The following ZNF606 variants were observed in gnomAD, a reference collection of about 807,000 sequenced individuals.
The protein encoded by ZNF606 is zinc finger protein 606, also known as zinc finger protein 328.
ZNF606 carries 37 observed loss-of-function variants against 74.9 expected under a neutral mutation model. The ratio of observed to expected loss-of-function variants is 0.49; its 90% confidence interval spans 0.38 to 0.65. ZNF606 has a LOEUF of 0.65. Among genes scored for constraint, ZNF606 ranks in the 30% least tolerant of loss-of-function variants. The pLI is 0.00. For synonymous variants in ZNF606, 328 were observed against 312.4 expected (o/e 1.05, Z -0.53); for missense variants, 852 against 952.9 (o/e 0.89, Z 1.39).
chr19:57,987,875 G>A (rs1396270938), intron 6 of ZNF606, among the ~76,000 whole-genome samples: 4 of 152,122 alleles, frequency 2.6e-5, no homozygotes, highest in Non-Finnish European at 5.9e-5. Context: ...TTTGAAATAA[G>A]CATCTATAGC....
chr19:58,001,519 C>G, intron 1 of ZNF606, 149 bp from the exon 2 acceptor site: 1 of 639,380 alleles, frequency 1.6e-6, no homozygotes, highest in South Asian at 1.9e-5. Context: ...AAAAGTAACA[C>G]AATTCCTGGA....
At chr19:57,986,815 G>A (rs1230292828) in intron 6 of ZNF606, among the ~76,000 whole-genome samples, 3 of 152,146 alleles carry the variant, frequency 2.0e-5, no homozygotes, top group Admixed American at 6.6e-5. Flanking sequence ...CAGGCGTGGT[G>A]GCTCACACCT....
At position 57,978,889 on chromosome 19, in the gene ZNF606, G is replaced by C; in HGVS notation, c.1791C>G (p.Asn597Lys). The C allele has an allele frequency of 6.2e-7, 1 of 1,613,978 alleles. No homozygotes were observed. The highest frequency in any genetic ancestry group is 1.1e-5 in the South Asian group (1 of 91,062). Reference sequence around the variant, plus strand: ...TGAATGCTTTGCCACATTCCTGACAGTTATATGGTTTCTCTCCCGTGTGAG... The same window carrying C: ...TGAATGCTTTGCCACATTCCTGACACTTATATGGTTTCTCTCCCGTGTGAG... Reference protein sequence around the residue: ...QRTHTGEKPYNCQECGKAFRE... With the variant: ...QRTHTGEKPYKCQECGKAFRE... Residue 597 changes from asparagine to lysine, a missense_variant, in exon 7 of 7, where the codon AAC (asparagine) becomes AAG (lysine). Around this residue, in one of 3 missense-constraint regions of ZNF606, gnomAD observed 243 missense variants for 359.2 expected, o/e 0.68. Transcript: ENST00000551380. The surrounding 1 kb of genome is among the most constrained non-coding windows in gnomAD (Gnocchi z 4.4).
chr19:57,982,600 A>C (rs1367290394), intron 6 of ZNF606, among the ~76,000 whole-genome samples: 1 of 151,766 alleles, frequency 6.6e-6, no homozygotes, highest in Non-Finnish European at 1.5e-5. Flanking sequence ...TTTTCTCTTT[A>C]CTATATGTAA....
chr19:58,003,184 A>T, upstream of ZNF606: 4 of 453,568 alleles, frequency 8.8e-6, no homozygotes, highest in South Asian at 6.2e-5. Context: ...AGATTGTGAG[A>T]AAGTGACTGC....
At chr19:58,001,250 T>C (rs1277176838) in intron 2 of ZNF606, 39 bp downstream of exon 2, 1 of 1,610,700 alleles carries the variant, frequency 6.2e-7, no homozygotes, top group Non-Finnish European at 8.5e-7. Context: ...CAGCAGCTAA[T>C]GATAGGGGAG....
chr19:57,980,821 C>T lies in ZNF606; in HGVS notation c.401-542G>A, dbSNP rs186604714. Among the ~76,000 whole-genome samples, 41 of 124,060 alleles carry T rather than the reference C, an allele frequency of 3.3e-4. 1 individual carries two copies. In the Middle Eastern group the frequency reaches 0.016, roughly 49 times the overall value. 81.4% of individuals were successfully genotyped at this position (124,060 alleles called of 152,430 possible). A position where few individuals can be genotyped will look rare whatever the true frequency, so the allele number is the denominator to read the frequency against. On this transcript the variant is annotated intron_variant, in intron 6 of 6. Transcript: ENST00000551380. ...CTGCACTTCAGCCTGAGCGACAGAG[C>T]GATACACCGTCTCAAAAAAAAAAAA...
At chr19:57,987,372 T>G (rs764377611) in intron 6 of ZNF606, among the ~76,000 whole-genome samples, 15 of 152,144 alleles carry the variant, frequency 9.9e-5, no homozygotes, top group South Asian at 4.2e-4. Context: ...GCCCCCTGAG[T>G]AGCTAGGACC....
intron 4 of ZNF606, among the ~76,000 whole-genome samples, chr19:57,990,193 T>C (rs1220029495): frequency 1.4e-5 from 2 of 147,424 alleles, no homozygotes; most frequent in East Asian, 2.0e-4. Context: ...TAAAACATCA[T>C]CTCTACTAAA....
chr19:57,983,567 A>G lies in ZNF606; in HGVS notation c.401-3288T>C, dbSNP rs2073121176. 3.3e-5 allele frequency among the ~76,000 whole-genome samples: 5 copies of G among 150,778 alleles called. No individual in the cohort carries two copies. In the South Asian group the frequency reaches 1.0e-3, roughly 32 times the overall value. Reference sequence around the variant, plus strand: ...CACTCCAGCCTGGGCAACAAGGGCAAAACTCCGTCTCAAAAAAAAAAAAAG... The same window carrying G: ...CACTCCAGCCTGGGCAACAAGGGCAGAACTCCGTCTCAAAAAAAAAAAAAG... On this transcript the variant is annotated intron_variant, in intron 6 of 6. Transcript: ENST00000551380.
rs919983155 is a variant in ZNF606 at position 57,977,694 on chromosome 19, C to T, written c.*607G>A. 7 of 152,334 alleles carry T rather than the reference C, an allele frequency of 4.6e-5. No individual in the cohort carries two copies. Among genetic ancestry groups the T allele is most frequent in the East Asian group, 1.9e-4 (1 of 5,190 alleles). 9.4% of individuals were successfully genotyped at this position (152,334 alleles called of 1,614,324 possible). On this transcript the variant is annotated 3_prime_UTR_variant, in exon 7 of 7. Coordinates refer to ENST00000551380, the MANE Select transcript of ZNF606 (RefSeq NM_001348022.3). ...CACTCCTAGGCAATAACTTTTCTAC[C>T]GTTAGTCATCTCATTCATTAATTTT...
At chr19:57,980,617 T>C (rs1329330753) in intron 6 of ZNF606, among the ~76,000 whole-genome samples, 2 of 151,944 alleles carry the variant, frequency 1.3e-5, no homozygotes, top group African/African-American at 4.8e-5. Context: ...GGGCGGATCA[T>C]GAGGTCAGGA....
intron 3 of ZNF606, 140 bp downstream of exon 3, chr19:58,000,543 T>C (rs778952962): frequency 1.9e-5 from 18 of 942,568 alleles, no homozygotes; most frequent in Non-Finnish European, 3.0e-5. Flanking sequence ...TCCTCCTTGT[T>C]CCAGCTCTGC....
At chr19:57,992,435 G>A (rs947355288) in intron 4 of ZNF606, among the ~76,000 whole-genome samples, 5 of 152,288 alleles carry the variant, frequency 3.3e-5, no homozygotes, top group African/African-American at 9.6e-5. Context: ...AACAGGAGAC[G>A]AGGGGATGGA....
In ZNF606 at chr19:57,978,070, G is replaced by A; in HGVS notation, c.*231C>T. 1 of 387,732 alleles carries A rather than the reference G, an allele frequency of 2.6e-6. No homozygotes were observed. Among genetic ancestry groups the A allele is most frequent in the South Asian group, 6.1e-5 (1 of 16,496 alleles). The allele number at this position is 387,732 out of a possible 1,614,324, so 24.0% of individuals were successfully genotyped here. ...ACTGGTAGACCATAAGGGGAGTTTA[G>A]AGTTTCCTTCATTGTTAATTATCTG... On this transcript the variant is annotated 3_prime_UTR_variant, in exon 7 of 7. Coordinates refer to ENST00000551380, the MANE Select transcript of ZNF606 (RefSeq NM_001348022.3). This position sits in a 1 kb window ranked among gnomAD's most constrained non-coding sequence, Gnocchi z 4.4.
At chr19:58,002,905 C>T, upstream of ZNF606, 1 of 444,980 alleles carries the variant, frequency 2.2e-6, no homozygotes, top group Non-Finnish European at 4.5e-6. Context: ...TGACAGGTTC[C>T]TGGGCCGCGC....
intron 4 of ZNF606, 143 bp downstream of exon 4, chr19:57,999,665 A>C: frequency 1.3e-6 from 1 of 796,994 alleles, no homozygotes; most frequent in Non-Finnish European, 2.1e-6. Context: ...AATTCTCCCT[A>C]CCTGCTCTCA....
At chr19:57,996,448 C>T (rs1383077905) in intron 4 of ZNF606, among the ~76,000 whole-genome samples, 1 of 152,088 alleles carries the variant, frequency 6.6e-6, no homozygotes, top group Non-Finnish European at 1.5e-5. Context: ...TGCATCAAGC[C>T]AAGATCGTCC....
At chr19:57,985,848 C>T (rs1285194572) in intron 6 of ZNF606, among the ~76,000 whole-genome samples, 1 of 151,886 alleles carries the variant, frequency 6.6e-6, no homozygotes, top group Non-Finnish European at 1.5e-5. Context: ...GCAGGACAAT[C>T]GCTTGAACCC....
Sources: gnomAD v4.1 joint callset for allele counts (sites outside exome capture counted in the v4.1 genomes callset) on GRCh38, gnomAD v4.1.1 for gene constraint, gnomAD v4.1.1 regional missense constraint, Gnocchi (gnomAD v3.1) non-coding constraint, MANE v1.5 for transcripts, NCBI Gene and HGNC (gene_info 2026-07-23, HGNC 2026-07-21) for gene names.